Variants in RAPGEF2 observed in about 807,000 individuals in gnomAD.
The protein encoded by RAPGEF2 is Rap guanine nucleotide exchange factor 2.
In RAPGEF2, 54 loss-of-function variants were observed where a neutral mutation model predicts 186.7. The observed-to-expected ratio is 0.29, with a 90% CI of 0.23 to 0.36. RAPGEF2 has a LOEUF of 0.36. Among genes scored for constraint, RAPGEF2 ranks in the 10% least tolerant of loss-of-function variants. The pLI is 1.00. For missense variants in RAPGEF2, 1,532 were observed against 2,045.0 expected, an observed-to-expected ratio of 0.75 and a Z score of 4.84; for synonymous variants, 712 against 705.9, an observed-to-expected ratio of 1.01 and a Z score of -0.14.
intron 1 of RAPGEF2, among the ~76,000 whole-genome samples, chr4:159,178,927 C>A (rs1003042626): frequency 2.6e-5 from 4 of 152,084 alleles, no homozygotes; most frequent in African/African-American, 9.7e-5. Flanking sequence ...CAATCACCCC[C>A]CTAAAGTACT....
At chr4:159,347,755 C>T (rs1026005748) in intron 25 of RAPGEF2, among the ~76,000 whole-genome samples, 1 of 152,208 alleles carries the variant, frequency 6.6e-6, no homozygotes, top group Non-Finnish European at 1.5e-5. Context: ...CTGCACTCCT[C>T]CAGCCTGGGC....
chr4:159,248,400 A>G lies in RAPGEF2; in HGVS notation c.543+4609A>G, dbSNP rs139247910. On this transcript the variant is annotated intron_variant, in intron 7 of 29. Transcript: ENST00000691494. ...ATGCCTGATGCTTTATGTTTTCATC[A>G]GAAGAGTCTTAGGAGAGTGGTGTCA... is the stretch of plus-strand genomic sequence containing the variant. 3.4e-3 allele frequency among the ~76,000 whole-genome samples: 518 copies of G among 152,338 alleles called. 4 individuals carry two copies. The highest frequency in any genetic ancestry group is 0.012 in the African/African-American group (500 of 41,576).
At chr4:159,172,973 T>TC (rs1466016553) in intron 1 of RAPGEF2, among the ~76,000 whole-genome samples, 42 of 152,200 alleles carry the variant, frequency 2.8e-4, no homozygotes. Flanking sequence ...TGGATAGGTC[T>TC]AAAAGAGATC....
In RAPGEF2 at chr4:159,345,442, T is replaced by C. The variant is rs918085819; in HGVS notation, c.3502+113T>C. ...CTTAGTGCAGAGGGGGAGCTAGCAA[T>C]CCTGAGATATACTAGTCTTTTCCTT... On this transcript the variant is annotated intron_variant, in intron 24 of 29. Transcript: ENST00000691494. 3.4e-6 allele frequency: 3 copies of C among 874,472 alleles called. No individual in the cohort carries two copies. In the African/African-American group the frequency reaches 5.0e-5, roughly 15 times the overall value. The allele number at this position is 874,472 out of a possible 1,614,324, so 54.2% of individuals were successfully genotyped here.
At chr4:159,128,380 G>A (rs1740614173) in intron 1 of RAPGEF2, among the ~76,000 whole-genome samples, 1 of 152,018 alleles carries the variant, frequency 6.6e-6, no homozygotes, top group Non-Finnish European at 1.5e-5. Context: ...TATTTTCAGG[G>A]TTACGTAAGT....
intron 7 of RAPGEF2, among the ~76,000 whole-genome samples, chr4:159,299,428 A>G (rs1277249904): frequency 2.8e-5 from 4 of 141,422 alleles, no homozygotes; most frequent in African/African-American, 1.1e-4. Context: ...TCTCTTTTAC[A>G]TTAAAAAAAA....
intron 7 of RAPGEF2, among the ~76,000 whole-genome samples, chr4:159,284,941 T>A (rs747261791): frequency 2.3e-4 from 35 of 152,202 alleles, no homozygotes; most frequent in Middle Eastern, 6.8e-3. Flanking sequence ...TGGTTCCAGC[T>A]ACTTGAGAGA....
At chr4:159,227,788 G>A (rs1226084926) in intron 4 of RAPGEF2, among the ~76,000 whole-genome samples, 1 of 152,110 alleles carries the variant, frequency 6.6e-6, no homozygotes. Context: ...AAAAATGACA[G>A]CAAAAGCAGC....
At chr4:159,295,750 TGTGTGCGCGCGCGCGCGC>T (rs1761909843) in intron 7 of RAPGEF2, among the ~76,000 whole-genome samples, 1 of 104,520 alleles carries the variant, frequency 9.6e-6, no homozygotes, top group African/African-American at 3.9e-5. Context: ...TGTGTGTGTG[TGTGTGCGCGCGCGCGCGC>T]GCGCGCATGC....
At chr4:159,165,710 G>A (rs918375321) in intron 1 of RAPGEF2, among the ~76,000 whole-genome samples, 3 of 152,070 alleles carry the variant, frequency 2.0e-5, no homozygotes, top group African/African-American at 7.2e-5. Flanking sequence ...CTTGACTTCA[G>A]CCTCTTGAGT....
rs1731433356 is a variant in RAPGEF2, at chr4:159,353,086, G to A, written c.4091+176G>A. Among the ~76,000 whole-genome samples the A allele has an allele frequency of 6.6e-6, 1 of 152,078 alleles. No homozygotes were observed. The highest frequency in any genetic ancestry group is 1.5e-5 in the Non-Finnish European group (1 of 68,026). Reference sequence around the variant, plus strand: ...CTAAGTATCATGTTATTTTTGTTAAGCAGACTGCTTTTTTAGTTAAGTTTA... The same window carrying A: ...CTAAGTATCATGTTATTTTTGTTAAACAGACTGCTTTTTTAGTTAAGTTTA... On this transcript the variant is annotated intron_variant, in intron 27 of 29. Transcript: ENST00000691494. This position sits in a 1 kb window ranked among gnomAD's most constrained non-coding sequence, Gnocchi z 4.3.
At chr4:159,196,849 C>T (rs1431732101) in intron 3 of RAPGEF2, among the ~76,000 whole-genome samples, 1 of 152,192 alleles carries the variant, frequency 6.6e-6, no homozygotes, top group African/African-American at 2.4e-5. Flanking sequence ...ATGACAAAAA[C>T]GCCATTTTAG....
rs1763016325 is a variant in RAPGEF2 at position 159,304,240 on chromosome 4, A to C, written c.544-102A>C. 6 of 1,037,416 alleles carry C rather than the reference A, an allele frequency of 5.8e-6. No homozygotes were observed. In the South Asian group the frequency reaches 1.2e-4, roughly 22 times the overall value. 64.3% of individuals were successfully genotyped at this position (1,037,416 alleles called of 1,614,324 possible). On this transcript the variant is annotated intron_variant, in intron 7 of 29. Coordinates refer to ENST00000691494, the MANE Select transcript of RAPGEF2 (RefSeq NM_001394067.2). ...AATGTGGAAAATGAATACCATTTTTAGTTCAATGGTATAGAATAAAATATG... is the reference window on the plus strand; with the variant it reads ...AATGTGGAAAATGAATACCATTTTTCGTTCAATGGTATAGAATAAAATATG...
chr4:159,216,308 C>T (rs114312071), intron 4 of RAPGEF2, among the ~76,000 whole-genome samples: 3,210 of 152,082 alleles, frequency 0.021, 89 homozygotes, highest in African/African-American at 0.065. Flanking sequence ...GTAAGTTGTA[C>T]GGTGTAAATT....
intron 1 of RAPGEF2, among the ~76,000 whole-genome samples, chr4:159,150,416 G>A (rs781704684): frequency 6.6e-6 from 1 of 152,094 alleles, no homozygotes; most frequent in East Asian, 1.9e-4. Flanking sequence ...ATGCTTGAAC[G>A]AAGTGTATCG....
rs573942177 is a variant in RAPGEF2, at chr4:159,274,052, G to A, written c.543+30261G>A. 1.7e-3 allele frequency among the ~76,000 whole-genome samples: 261 copies of A among 152,108 alleles called. 2 individuals carry two copies. The highest frequency in any genetic ancestry group is 8.7e-3 in the South Asian group (42 of 4,818). ...GGTGACCTGCCTGCCTTGGCCTCCC[G>A]AAGTGCTAGGATTACAGGCTGAGCC... On this transcript the variant is annotated intron_variant, in intron 7 of 29. Coordinates refer to ENST00000691494, the MANE Select transcript of RAPGEF2 (RefSeq NM_001394067.2).
Position 159,350,296 on chromosome 4 carries a change from T to C in RAPGEF2, c.3865+7T>C, listed in dbSNP as rs554566614. On this transcript the variant is annotated splice_region_variant and intron_variant, in intron 26 of 29. Transcript: ENST00000691494. ...CAGAGTTCTCCAAGGAAAGGTAGAATTAAATTACTTTTTGTTTTCTTGTAT... is the reference window on the plus strand; with the variant it reads ...CAGAGTTCTCCAAGGAAAGGTAGAACTAAATTACTTTTTGTTTTCTTGTAT... 8 of 1,537,048 alleles carry C rather than the reference T, an allele frequency of 5.2e-6. No homozygotes were observed. In the South Asian group the frequency reaches 9.2e-5, roughly 18 times the overall value.
intron 1 of RAPGEF2, among the ~76,000 whole-genome samples, chr4:159,151,074 T>C (rs75490680): frequency 0.015 from 2,265 of 152,334 alleles, 69 homozygotes; most frequent in African/African-American, 0.051. Flanking sequence ...ATCGGAGACT[T>C]ATATTGTACT....
At chr4:159,161,416 T>A (rs1429121903) in intron 1 of RAPGEF2, among the ~76,000 whole-genome samples, 2 of 152,140 alleles carry the variant, frequency 1.3e-5, no homozygotes, top group Non-Finnish European at 2.9e-5. Flanking sequence ...ATTGAAGAAA[T>A]AATTTAGGCT....
Sources: gnomAD v4.1 joint callset for allele counts (sites outside exome capture counted in the v4.1 genomes callset) on GRCh38, gnomAD v4.1.1 for gene constraint, Gnocchi (gnomAD v3.1) non-coding constraint, MANE v1.5 for transcripts, NCBI Gene and HGNC (gene_info 2026-07-23, HGNC 2026-07-21) for gene names.